The following MALRD1 variants were observed in gnomAD, a reference collection of about 807,000 sequenced individuals.
The protein encoded by MALRD1 is MAM and LDL-receptor class A domain-containing protein 1.
A neutral mutation model predicts 242.1 loss-of-function variants in MALRD1; 247 were observed. The ratio of observed to expected loss-of-function variants is 1.02; its 90% confidence interval spans 0.92 to 1.13. The LOEUF is 1.13. Among genes scored for constraint, MALRD1 ranks in the 50% most tolerant of loss-of-function variants. The pLI, the probability that MALRD1 is intolerant of heterozygous loss-of-function variation, is 0.00. For missense variants in MALRD1, 2,989 were observed against 2,533.1 expected, an observed-to-expected ratio of 1.18 and a Z score of -3.86; for synonymous variants, 995 against 866.6, an observed-to-expected ratio of 1.15 and a Z score of -2.60.
intron 31 of MALRD1, among the ~76,000 whole-genome samples, chr10:19,528,623 T>C (rs1220260602): frequency 6.6e-6 from 1 of 152,104 alleles, no homozygotes; most frequent in African/African-American, 2.4e-5. Flanking sequence ...ATAAATTTTA[T>C]TGAAATTTTC....
intron 36 of MALRD1, among the ~76,000 whole-genome samples, chr10:19,670,140 C>T (rs1366857279): frequency 6.6e-6 from 1 of 152,018 alleles, no homozygotes; most frequent in Admixed American, 6.6e-5. Context: ...GCATTCAGCA[C>T]TGCCTTAAAG....
chr10:19,381,801 T>G lies in MALRD1; in HGVS notation c.4442-5727T>G, dbSNP rs562614175. ...TTGCAGTGAGCCGAGATTACGCCAC[T>G]GCACTCCAGCCTGGGTGACAGAGTA... On this transcript the variant is annotated intron_variant, in intron 26 of 39. Transcript: ENST00000454679. 1.6e-4 allele frequency among the ~76,000 whole-genome samples: 25 copies of G among 152,140 alleles called. No homozygotes were observed. In the South Asian group the frequency reaches 5.2e-3, roughly 32 times the overall value.
At chr10:19,699,580 A>G (rs917912669) in intron 38 of MALRD1, among the ~76,000 whole-genome samples, 3 of 152,132 alleles carry the variant, frequency 2.0e-5, no homozygotes, top group African/African-American at 7.2e-5. Flanking sequence ...TTGCATTGCT[A>G]CAAAGACATA....
intron 26 of MALRD1, among the ~76,000 whole-genome samples, chr10:19,376,025 G>T (rs1845573347): frequency 6.6e-6 from 1 of 152,212 alleles, no homozygotes; most frequent in Non-Finnish European, 1.5e-5. Flanking sequence ...AGGAGGCTGA[G>T]GCAGGGGAAT....
intron 18 of MALRD1, among the ~76,000 whole-genome samples, chr10:19,256,323 G>A (rs1564507095): frequency 6.6e-6 from 1 of 152,042 alleles, no homozygotes; most frequent in Non-Finnish European, 1.5e-5. Flanking sequence ...AAATAAAACA[G>A]AATACGTTTT....
chr10:19,060,162 T>C (rs528577779), intron 1 of MALRD1, among the ~76,000 whole-genome samples: 2 of 152,326 alleles, frequency 1.3e-5, no homozygotes, highest in East Asian at 3.9e-4. Context: ...TGTGTTTGTG[T>C]GCATGTGCTT....
chr10:19,241,354 T>A (rs1484291190), intron 18 of MALRD1, among the ~76,000 whole-genome samples: 2 of 152,146 alleles, frequency 1.3e-5, no homozygotes, highest in African/African-American at 4.8e-5. Context: ...TTATCAAATT[T>A]GTTGGCATAT....
intron 27 of MALRD1, 114 bp from the exon 28 acceptor site, chr10:19,389,338 T>G: frequency 8.8e-7 from 1 of 1,137,072 alleles, no homozygotes; most frequent in Non-Finnish European, 1.3e-6. Context: ...TGAAAATACT[T>G]TTGGCAGCTC....
At chr10:19,485,331 A>C (rs1302297602) in intron 29 of MALRD1, among the ~76,000 whole-genome samples, 1 of 152,184 alleles carries the variant, frequency 6.6e-6, no homozygotes, top group East Asian at 1.9e-4. Flanking sequence ...AAACTTATGA[A>C]AATTAAAAAT....
chr10:19,720,290 A>G (rs1834682551), intron 38 of MALRD1, among the ~76,000 whole-genome samples: 1 of 152,306 alleles, frequency 6.6e-6, no homozygotes, highest in East Asian at 1.9e-4. Context: ...ACATCTTGGC[A>G]TCGTTTCAGC....
At chr10:19,176,934 G>A (rs1365562645) in intron 14 of MALRD1, among the ~76,000 whole-genome samples, 1 of 151,872 alleles carries the variant, frequency 6.6e-6, no homozygotes, top group African/African-American at 2.4e-5. Context: ...GTATGATTCT[G>A]ATAGACACCG....
intron 29 of MALRD1, among the ~76,000 whole-genome samples, chr10:19,477,662 C>T (rs1199723752): frequency 3.9e-5 from 6 of 151,996 alleles, no homozygotes; most frequent in Admixed American, 6.6e-5. Context: ...CTCTTTCTTG[C>T]AGAGAGAGAG....
intron 2 of MALRD1, among the ~76,000 whole-genome samples, chr10:19,075,499 A>G (rs1464227331): frequency 6.6e-6 from 1 of 152,068 alleles, no homozygotes; most frequent in African/African-American, 2.4e-5. Context: ...AAATGAAGAA[A>G]GGGGATCACA....
chr10:19,054,684 A>G (rs1834609558), intron 1 of MALRD1, among the ~76,000 whole-genome samples: 1 of 152,116 alleles, frequency 6.6e-6, no homozygotes, highest in Non-Finnish European at 1.5e-5. Flanking sequence ...GGCTTGTTTC[A>G]CTTAGCATAA....
chr10:19,460,854 C>T (rs569042818), intron 29 of MALRD1, among the ~76,000 whole-genome samples: 4 of 152,226 alleles, frequency 2.6e-5, no homozygotes, highest in South Asian at 2.1e-4. Flanking sequence ...CATCTGAAAA[C>T]GTTGGTTGAA....
At chr10:19,217,531 T>C (rs1837371286) in intron 18 of MALRD1, among the ~76,000 whole-genome samples, 1 of 129,300 alleles carries the variant, frequency 7.7e-6, no homozygotes, top group Non-Finnish European at 1.6e-5. Flanking sequence ...TATCATGCAG[T>C]CTTTTTTTTT....
At chr10:19,068,098 C>A (rs1564371020) in intron 2 of MALRD1, among the ~76,000 whole-genome samples, 1 of 152,088 alleles carries the variant, frequency 6.6e-6, no homozygotes, top group African/African-American at 2.4e-5. Flanking sequence ...TGCAGTCTTA[C>A]AGATTGCTGA....
chr10:19,652,454 A>T, intron 36 of MALRD1, among the ~76,000 whole-genome samples: 1 of 152,210 alleles, frequency 6.6e-6, no homozygotes, highest in East Asian at 1.9e-4. Flanking sequence ...TAGTACCAAG[A>T]TCATGAAAGT....
rs1564360767 is a variant in MALRD1 at position 19,458,908 on chromosome 10, A to ATATG, written c.5029+8419_5029+8420insATGT. Among the ~76,000 whole-genome samples, 349 of 151,956 alleles carry ATATG rather than the reference A, an allele frequency of 2.3e-3. 2 individuals carry two copies. Among genetic ancestry groups the ATATG allele is most frequent in the African/African-American group, 7.9e-3 (326 of 41,456 alleles). On this transcript the variant is annotated intron_variant, in intron 29 of 39. Coordinates refer to ENST00000454679, the MANE Select transcript of MALRD1 (RefSeq NM_001142308.3). ...ATAGTTGAGTTATATATATATATATATGTGCGTATATATATAGTATTTTTT... is the reference window on the plus strand; with the variant it reads ...ATAGTTGAGTTATATATATATATATATATGTGTGCGTATATATATAGTATTTTTT...
Sources: gnomAD v4.1 joint callset for allele counts (sites outside exome capture counted in the v4.1 genomes callset) on GRCh38, gnomAD v4.1.1 for gene constraint, MANE v1.5 for transcripts, NCBI Gene and HGNC (gene_info 2026-07-23, HGNC 2026-07-21) for gene names.